The following LRP1B variants were observed in gnomAD, a reference collection of about 807,000 sequenced individuals.
The protein encoded by LRP1B is low-density lipoprotein receptor-related protein 1B.
A neutral mutation model predicts 556.6 loss-of-function variants in LRP1B; 217 were observed. The ratio of observed to expected loss-of-function variants is 0.39; its 90% CI spans 0.35 to 0.44. The LOEUF is 0.44. Ranked by LOEUF, LRP1B falls within the 20% of genes least tolerant of loss-of-function variation. The pLI is 1.00. For synonymous variants in LRP1B, 2,047 were observed against 1,865.8 expected (o/e 1.10, Z -2.50); for missense variants, 5,053 against 5,620.8 (o/e 0.90, Z 3.23).
At chr2:140,558,062 G>A (rs1000244264) in intron 43 of LRP1B, among the ~76,000 whole-genome samples, 1 of 152,084 alleles carries the variant, frequency 6.6e-6, no homozygotes, top group African/African-American at 2.4e-5. Flanking sequence ...TCAAATCCAC[G>A]ATGAAATATC....
In LRP1B at chr2:140,535,319, C is replaced by T. The variant is rs544030089; in HGVS notation, c.7643-1179G>A. 1.8e-4 allele frequency among the ~76,000 whole-genome samples: 27 copies of T among 152,252 alleles called. 1 individual carries two copies. The highest frequency in any genetic ancestry group is 3.4e-3 in the Middle Eastern group (1 of 294). ...ACTTTATTGCAATACAATTTATATGCTTTAATATTTTTATATCTTATAGAA... is the reference window on the plus strand; with the variant it reads ...ACTTTATTGCAATACAATTTATATGTTTTAATATTTTTATATCTTATAGAA... On this transcript the variant is annotated intron_variant, in intron 46 of 90. Coordinates refer to ENST00000389484, the MANE Select transcript of LRP1B (RefSeq NM_018557.3).
chr2:141,640,510 G>C (rs1325830932), intron 2 of LRP1B, among the ~76,000 whole-genome samples: 2 of 152,072 alleles, frequency 1.3e-5, no homozygotes, highest in African/African-American at 4.8e-5. Flanking sequence ...AAAGAGGCTG[G>C]GCACGGTGAC....
chr2:141,104,119 A>T (rs991928948), intron 7 of LRP1B, among the ~76,000 whole-genome samples: 22 of 152,040 alleles, frequency 1.4e-4, no homozygotes. Context: ...AACTTTTCTT[A>T]AAAAATAACA....
At chr2:141,542,014 TA>T (rs1232742473) in intron 2 of LRP1B, among the ~76,000 whole-genome samples, 1 of 151,818 alleles carries the variant, frequency 6.6e-6, no homozygotes, top group African/African-American at 2.4e-5. Flanking sequence ...GAGTCAACCC[TA>T]AAAGATTATT....
At chr2:141,841,736 T>A (rs1697480182) in intron 1 of LRP1B, among the ~76,000 whole-genome samples, 1 of 152,192 alleles carries the variant, frequency 6.6e-6, no homozygotes, top group Non-Finnish European at 1.5e-5. Context: ...GTAGGTGATG[T>A]CTAGAAGTAA....
chr2:141,200,514 C>CT (rs1452133137), intron 6 of LRP1B, among the ~76,000 whole-genome samples: 1 of 152,058 alleles, frequency 6.6e-6, no homozygotes, highest in African/African-American at 2.4e-5. Context: ...ATAGTCATGG[C>CT]TTATGCTCTC....
chr2:141,394,651 T>G (rs1690175402), intron 3 of LRP1B, among the ~76,000 whole-genome samples: 1 of 152,060 alleles, frequency 6.6e-6, no homozygotes, highest in Admixed American at 6.6e-5. Context: ...GAAAGGAATT[T>G]TGGGACCCAG....
chr2:142,020,816 T>C (rs181503077), intron 1 of LRP1B, among the ~76,000 whole-genome samples: 1 of 152,208 alleles, frequency 6.6e-6, no homozygotes, highest in Non-Finnish European at 1.5e-5. Context: ...TGGTCATACA[T>C]CTTCTAATTA....
At chr2:141,318,143 A>G (rs1687097513) in intron 3 of LRP1B, among the ~76,000 whole-genome samples, 1 of 152,096 alleles carries the variant, frequency 6.6e-6, no homozygotes, top group African/African-American at 2.4e-5. Context: ...CATTCATTTT[A>G]CTCTTGAAAC....
intron 27 of LRP1B, among the ~76,000 whole-genome samples, chr2:140,854,941 G>A (rs958890239): frequency 2.0e-5 from 3 of 152,256 alleles, no homozygotes; most frequent in East Asian, 1.9e-4. Flanking sequence ...TTGATCAATG[G>A]AGTGCTATAA....
At chr2:140,746,166 G>A (rs1357532922) in intron 35 of LRP1B, among the ~76,000 whole-genome samples, 1 of 152,000 alleles carries the variant, frequency 6.6e-6, no homozygotes, top group East Asian at 1.9e-4. Context: ...GGGACCTTCT[G>A]GAAAGAATGT....
chr2:142,025,772 G>A (rs182918757), intron 1 of LRP1B, among the ~76,000 whole-genome samples: 248 of 152,248 alleles, frequency 1.6e-3, no homozygotes, highest in African/African-American at 5.7e-3. Context: ...TTATTAAAGA[G>A]TTGATTGATT....
chr2:141,620,538 T>G (rs2105334935), intron 2 of LRP1B, among the ~76,000 whole-genome samples: 1 of 152,328 alleles, frequency 6.6e-6, no homozygotes, highest in African/African-American at 2.4e-5. Context: ...ATATTGGATA[T>G]GAGAAGGAAA....
chr2:141,777,713 C>T (rs1431924611), intron 2 of LRP1B, among the ~76,000 whole-genome samples: 1 of 152,074 alleles, frequency 6.6e-6, no homozygotes, highest in African/African-American at 2.4e-5. Context: ...CCGCGCCCAG[C>T]CAAAATGACT....
At chr2:141,479,442 T>A (rs1337844541) in intron 3 of LRP1B, among the ~76,000 whole-genome samples, 4 of 152,184 alleles carry the variant, frequency 2.6e-5, no homozygotes, top group Non-Finnish European at 4.4e-5. Flanking sequence ...CAGCAATTAG[T>A]TTGTGTGAAG....
At chr2:141,518,859 A>G (rs556439444) in intron 2 of LRP1B, among the ~76,000 whole-genome samples, 50 of 152,254 alleles carry the variant, frequency 3.3e-4, no homozygotes, top group African/African-American at 1.2e-3. Flanking sequence ...CTGAGGCAGG[A>G]GATTTGCTTG....
chr2:140,568,300 G>T (rs1681201581), intron 43 of LRP1B, among the ~76,000 whole-genome samples: 2 of 146,344 alleles, frequency 1.4e-5, no homozygotes, highest in African/African-American at 2.5e-5. Context: ...ATCATAAAAA[G>T]AACCAAACAT....
intron 20 of LRP1B, among the ~76,000 whole-genome samples, chr2:140,941,381 G>A (rs1421964025): frequency 6.6e-6 from 1 of 152,042 alleles, no homozygotes; most frequent in Non-Finnish European, 1.5e-5. Flanking sequence ...AAGTCAATAC[G>A]GGCAACACAG....
chr2:140,394,508 C>T (rs1004510395), intron 66 of LRP1B, among the ~76,000 whole-genome samples: 8 of 152,138 alleles, frequency 5.3e-5, no homozygotes, highest in Non-Finnish European at 1.0e-4. Flanking sequence ...CATAACTTTG[C>T]AGGCCAGAGG....
Sources: allele counts gnomAD v4.1 joint callset (sites outside exome capture counted in the v4.1 genomes callset), GRCh38; gene constraint gnomAD v4.1.1; transcripts MANE v1.5; gene names NCBI Gene and HGNC (gene_info 2026-07-23, HGNC 2026-07-21).